RIMS2: variants seen among roughly 807,000 people sequenced by gnomAD.
The protein encoded by RIMS2 is regulating synaptic membrane exocytosis protein 2.
A neutral mutation model predicts 174.4 loss-of-function variants in RIMS2; 59 were observed. The observed-to-expected ratio is 0.34, with a 90% confidence interval of 0.27 to 0.42. The LOEUF is 0.42. Among genes scored for constraint, RIMS2 ranks in the 10% least tolerant of loss-of-function variants. RIMS2 has a pLI of 1.00. For synonymous variants in RIMS2, 606 were observed against 572.5 expected (o/e 1.06, Z -0.84); for missense variants, 1,620 against 1,666.3 (o/e 0.97, Z 0.48).
rs1373556430 is a variant in RIMS2 at position 103,664,252 on chromosome 8, T to C, written c.177-32834T>C. Among the ~76,000 whole-genome samples, 4 of 152,138 alleles carry C rather than the reference T, an allele frequency of 2.6e-5. No individual in the cohort carries two copies. In the South Asian group the frequency reaches 6.2e-4, roughly 24 times the overall value. On this transcript the variant is annotated intron_variant, in intron 1 of 23. Coordinates refer to ENST00000504942, the Ensembl canonical transcript of RIMS2. ...TTCATGACTAAAACACCGAAAGCAA[T>C]GGCAACAAAAGCCAAAATAGACAAA...
intron 3 of RIMS2, among the ~76,000 whole-genome samples, chr8:103,860,171 T>G (rs1022449659): frequency 1.3e-5 from 2 of 152,110 alleles, no homozygotes; most frequent in Admixed American, 1.3e-4. Context: ...AATAATAATA[T>G]TCTCAAATTT....
chr8:103,946,453 C>T (rs2083797030), intron 14 of RIMS2, among the ~76,000 whole-genome samples: 1 of 152,134 alleles, frequency 6.6e-6, no homozygotes, highest in African/African-American at 2.4e-5. Context: ...AATCATGCCA[C>T]TGCACTCCAG....
chr8:103,863,178 A>G (rs2099067445), intron 3 of RIMS2, among the ~76,000 whole-genome samples: 1 of 152,008 alleles, frequency 6.6e-6, no homozygotes, highest in Non-Finnish European at 1.5e-5. Context: ...TCATGAAGGG[A>G]TGTTGGATTT....
intron 19 of RIMS2, among the ~76,000 whole-genome samples, chr8:104,055,556 T>C (rs2096854825): frequency 6.6e-6 from 1 of 152,308 alleles, no homozygotes; most frequent in South Asian, 2.1e-4. Context: ...TCAATAACCA[T>C]TATATTTCTT....
intron 19 of RIMS2, among the ~76,000 whole-genome samples, chr8:104,053,669 T>C (rs932431273): frequency 3.3e-5 from 5 of 152,202 alleles, no homozygotes; most frequent in Non-Finnish European, 5.9e-5. Context: ...TATTCGGTAC[T>C]ATTTTTATTT....
chr8:103,697,801 C>T (rs1209148146), intron 2 of RIMS2, among the ~76,000 whole-genome samples: 11 of 151,842 alleles, frequency 7.2e-5, no homozygotes, highest in Non-Finnish European at 1.0e-4. Context: ...CTGAGGTGGG[C>T]GGATCACAAG....
Position 103,587,447 on chromosome 8 carries a change from A to C in RIMS2, c.176+86385A>C, listed in dbSNP as rs1029915749. ...AAGAAAGAAAGAAAGAAAGAAAGAA[A>C]GAAAGAAAGAAAGAAAGAAAGAAAC... On this transcript the variant is annotated intron_variant, in intron 1 of 23. Coordinates refer to ENST00000504942, the Ensembl canonical transcript of RIMS2. Among the ~76,000 whole-genome samples the C allele has an allele frequency of 5.8e-3, 731 of 126,602 alleles. 10 individuals are homozygous for C. The highest frequency in any genetic ancestry group is 0.021 in the African/African-American group (703 of 34,286). 83.1% of individuals were successfully genotyped at this position (126,602 alleles called of 152,430 possible).
At chr8:104,177,767 T>C (rs2098913155) in intron 19 of RIMS2, among the ~76,000 whole-genome samples, 1 of 152,192 alleles carries the variant, frequency 6.6e-6, no homozygotes, top group Non-Finnish European at 1.5e-5. Flanking sequence ...GTAGGCCACC[T>C]GAGGACAGAG....
intron 19 of RIMS2, among the ~76,000 whole-genome samples, chr8:104,215,334 A>G (rs2138057179): frequency 6.6e-6 from 1 of 152,250 alleles, no homozygotes; most frequent in East Asian, 1.9e-4. Flanking sequence ...AGTAAGAATT[A>G]GACTTTAATT....
At chr8:103,671,690 A>G (rs2096745690) in intron 1 of RIMS2, among the ~76,000 whole-genome samples, 1 of 152,226 alleles carries the variant, frequency 6.6e-6, no homozygotes, top group East Asian at 1.9e-4. Flanking sequence ...ATGATCAAAG[A>G]CACAAGTGAG....
rs1397879293 is a variant in RIMS2 at position 103,617,039 on chromosome 8, A to G, written c.177-80047A>G. ...AAATCTATTTTAAAATTCATGTGGA[A>G]CCAAAAAGCCCAGATAGCGAAGGCA... On this transcript the variant is annotated intron_variant, in intron 1 of 23. Transcript: ENST00000504942. 3.9e-5 allele frequency among the ~76,000 whole-genome samples: 6 copies of G among 152,170 alleles called. No homozygotes were observed. In the East Asian group the frequency reaches 1.2e-3, roughly 29 times the overall value.
intron 3 of RIMS2, among the ~76,000 whole-genome samples, chr8:103,851,043 T>C (rs2098994992): frequency 6.6e-6 from 1 of 152,020 alleles, no homozygotes; most frequent in Admixed American, 6.6e-5. Flanking sequence ...GGTTTTTGCA[T>C]TGTAAATTAT....
chr8:103,615,034 G>A (rs1263213433), intron 1 of RIMS2, among the ~76,000 whole-genome samples: 1 of 151,922 alleles, frequency 6.6e-6, no homozygotes, highest in Non-Finnish European at 1.5e-5. Context: ...TTTTAATTAT[G>A]TTTATATTAT....
chr8:103,768,400 T>C lies in RIMS2; in HGVS notation c.698+1863T>C, dbSNP rs1591983287. The stretch of plus-strand genomic sequence containing the variant: ...TGGCCACAGAAGTTGCTGCTGATGC[T>C]CTGGTTGAAGAATGGAAGGGTTATG... On this transcript the variant is annotated intron_variant, in intron 3 of 23. Transcript: ENST00000504942. 1.1e-5 allele frequency: 8 copies of C among 747,238 alleles called. No homozygotes were observed. The East Asian group carries it at 2.0e-4, about 19-fold the overall frequency. The allele number at this position is 747,238 out of a possible 1,614,324, so 46.3% of individuals were successfully genotyped here.
intron 4 of RIMS2, among the ~76,000 whole-genome samples, chr8:103,907,311 T>C (rs1281446463): frequency 6.6e-6 from 1 of 152,236 alleles, no homozygotes; most frequent in Non-Finnish European, 1.5e-5. Context: ...CCTTGGTTCT[T>C]CAGTTTCTTC....
chr8:103,565,279 G>A (rs2092203833), intron 1 of RIMS2, among the ~76,000 whole-genome samples: 1 of 151,936 alleles, frequency 6.6e-6, no homozygotes, highest in Non-Finnish European at 1.5e-5. Context: ...AGGAGGGAGG[G>A]AGAAGGAAAT....
chr8:104,140,838 A>G (rs74307471), intron 19 of RIMS2, among the ~76,000 whole-genome samples: 3,015 of 152,316 alleles, frequency 0.02, 140 homozygotes, highest in East Asian at 0.15. Context: ...TGAACTAAAA[A>G]TTCAAGGGGA....
chr8:104,098,464 A>G (rs1338769069), intron 19 of RIMS2, among the ~76,000 whole-genome samples: 1 of 152,172 alleles, frequency 6.6e-6, no homozygotes, highest in Non-Finnish European at 1.5e-5. Context: ...ACAAATACTG[A>G]AAAGCATAGT....
chr8:103,814,525 G>A (rs1421226375), intron 3 of RIMS2, among the ~76,000 whole-genome samples: 3 of 152,076 alleles, frequency 2.0e-5, no homozygotes, highest in Non-Finnish European at 2.9e-5. Flanking sequence ...TCATTTGGAT[G>A]TTTCATAGTA....
Sources: gnomAD v4.1 joint callset for allele counts (sites outside exome capture counted in the v4.1 genomes callset) on GRCh38, gnomAD v4.1.1 for gene constraint, MANE v1.5 for transcripts, NCBI Gene and HGNC (gene_info 2026-07-23, HGNC 2026-07-21) for gene names.